The following CHD1L variants were observed in gnomAD, a reference collection of about 807,000 sequenced individuals.
The protein encoded by CHD1L is ATP-dependent chromatin remodeler CHD1L.
In CHD1L, 118 loss-of-function variants were observed where a neutral mutation model predicts 115.9. The ratio of observed to expected loss-of-function variants is 1.02; its 90% CI spans 0.88 to 1.19. The LOEUF (loss-of-function observed/expected upper bound fraction) is 1.19. Among genes scored for constraint, CHD1L ranks in the 50% most tolerant of loss-of-function variants. The probability of loss-of-function intolerance (pLI) is 0.00; values close to 1 mark genes in which losing one functional copy is unlikely to be tolerated. For synonymous variants in CHD1L, 411 were observed against 387.1 expected, an observed-to-expected ratio of 1.06 and a Z score of -0.72; for missense variants, 1,179 against 1,065.3, an observed-to-expected ratio of 1.11 and a Z score of -1.49.
At chr1:147,213,494 A>C in the CHD1L span, 1 of 1,572,936 alleles carries the variant, frequency 6.4e-7, no homozygotes, top group Admixed American at 1.8e-5. Flanking sequence ...TGATAACCAC[A>C]GGGGACATCC....
the CHD1L span, among the ~76,000 whole-genome samples, chr1:147,193,913 T>A: frequency 6.6e-6 from 1 of 152,034 alleles, no homozygotes; most frequent in Non-Finnish European, 1.5e-5. Context: ...TGCTGAGGAG[T>A]GCTTTACTTC....
chr1:147,195,975 C>CA, the CHD1L span, among the ~76,000 whole-genome samples: 1 of 152,110 alleles, frequency 6.6e-6, no homozygotes, highest in Non-Finnish European at 1.5e-5. Flanking sequence ...TGACTCTTTG[C>CA]ATTTGCACCA....
At chr1:147,262,819 C>G (rs1010602615) in intron 6 of CHD1L, among the ~76,000 whole-genome samples, 3 of 149,358 alleles carry the variant, frequency 2.0e-5, no homozygotes, top group African/African-American at 7.4e-5. Flanking sequence ...CTTCCTATGG[C>G]CCCCCCTCCA....
the CHD1L span, among the ~76,000 whole-genome samples, chr1:147,196,755 G>A: frequency 6.6e-6 from 1 of 151,892 alleles, no homozygotes; most frequent in Non-Finnish European, 1.5e-5. Context: ...TTTGCTCCCT[G>A]TCTTAGTTTC....
At chr1:147,243,426 A>G (rs1358671316) in intron 1 of CHD1L, among the ~76,000 whole-genome samples, 2 of 152,060 alleles carry the variant, frequency 1.3e-5, no homozygotes, top group Non-Finnish European at 2.9e-5. Flanking sequence ...TGAACCACGT[A>G]CTATATGCCA....
At chr1:147,206,502 T>G in the CHD1L span, among the ~76,000 whole-genome samples, 9 of 152,182 alleles carry the variant, frequency 5.9e-5, no homozygotes, top group African/African-American at 2.2e-4. Context: ...AGCAAGGACT[T>G]GGAACCAACC....
At chr1:147,203,602 C>T in the CHD1L span, 501 of 1,142,676 alleles carry the variant, frequency 4.4e-4, no homozygotes, top group Non-Finnish European at 6.0e-4. Flanking sequence ...TAGCTTCAAA[C>T]GCCTCAGCAA....
chr1:147,278,839 C>T (rs1679677804), intron 14 of CHD1L, among the ~76,000 whole-genome samples: 2 of 152,106 alleles, frequency 1.3e-5, no homozygotes. Flanking sequence ...TTTAGGATTC[C>T]AATCCAAGCA....
chr1:147,209,290 T>A, the CHD1L span, among the ~76,000 whole-genome samples: 1 of 151,842 alleles, frequency 6.6e-6, no homozygotes, highest in South Asian at 2.1e-4. Context: ...TACAAAAAAT[T>A]AGCCAGGCGT....
At chr1:147,197,001 T>G in the CHD1L span, among the ~76,000 whole-genome samples, 1 of 152,164 alleles carries the variant, frequency 6.6e-6, no homozygotes, top group Non-Finnish European at 1.5e-5. Context: ...CTAACATATC[T>G]TCTAAACTGG....
intron 6 of CHD1L, among the ~76,000 whole-genome samples, chr1:147,263,823 T>G (rs960346125): frequency 3.9e-5 from 6 of 152,292 alleles, no homozygotes; most frequent in Non-Finnish European, 8.8e-5. Flanking sequence ...TCTTGCATCT[T>G]GGTGTTCTTC....
At position 147,268,779 on chromosome 1, in the gene CHD1L, T is replaced by G; in HGVS notation, c.989-3T>G. 6.2e-7 allele frequency: 1 copy of G among 1,612,488 alleles called. No homozygotes were observed. The highest frequency in any genetic ancestry group is 2.2e-5 in the East Asian group (1 of 44,832). ...TACTGGGAGTGGGTTCTTTCTTTTC[T>G]AGGTGTGGAGCCGGAGCCTTTTGAA... On this transcript the variant is annotated splice_polypyrimidine_tract_variant and splice_region_variant and intron_variant, in intron 9 of 22. Transcript: ENST00000369258.
At chr1:147,181,039 T>C in the CHD1L span, among the ~76,000 whole-genome samples, 10 of 152,192 alleles carry the variant, frequency 6.6e-5, no homozygotes, top group Non-Finnish European at 1.3e-4. Flanking sequence ...AGAAAGGAGT[T>C]TGCTGACTCT....
intron 2 of CHD1L, among the ~76,000 whole-genome samples, chr1:147,253,318 C>G (rs1669007162): frequency 6.6e-6 from 1 of 152,162 alleles, no homozygotes; most frequent in African/African-American, 2.4e-5. Context: ...ATTGCATCCT[C>G]AGGGAAAGCT....
chr1:147,247,249 G>A (rs1490496408), intron 1 of CHD1L, among the ~76,000 whole-genome samples: 4 of 152,098 alleles, frequency 2.6e-5, no homozygotes, highest in African/African-American at 9.7e-5. Flanking sequence ...TTTGGATATG[G>A]ATTATCTGTC....
rs587748418 is a variant in CHD1L, at chr1:147,274,341, T to G, written c.1271-1013T>G. 2.0e-5 allele frequency among the ~76,000 whole-genome samples: 3 copies of G among 152,324 alleles called. No individual in the cohort carries two copies. In the South Asian group the frequency reaches 6.2e-4, roughly 32 times the overall value. Reference sequence around the variant, plus strand: ...CATTATCATTATTATTAGGTATAATTTAGCATCTCTCAGTAATCGGTCATG... The same window carrying G: ...CATTATCATTATTATTAGGTATAATGTAGCATCTCTCAGTAATCGGTCATG... On this transcript the variant is annotated intron_variant, in intron 12 of 22. Coordinates refer to ENST00000369258, the MANE Select transcript of CHD1L (RefSeq NM_004284.6).
upstream of CHD1L, chr1:147,242,573 G>A (rs1665026930): frequency 1.4e-5 from 13 of 959,052 alleles, no homozygotes; most frequent in Non-Finnish European, 1.8e-5. Flanking sequence ...CGGATATCTT[G>A]GCAGGACGCG....
the CHD1L span, among the ~76,000 whole-genome samples, chr1:147,181,085 TAAAC>T: frequency 1.3e-5 from 2 of 152,178 alleles, no homozygotes; most frequent in Non-Finnish European, 2.9e-5. Flanking sequence ...ACCTAAAAAA[TAAAC>T]AATTAAAATC....
rs1424210912 is a variant in CHD1L, at chr1:147,253,819, T to C, written c.241-1051T>C. On this transcript the variant is annotated intron_variant, in intron 2 of 22. Transcript: ENST00000369258. ...AGCCCATGGTTGAAATTATAGTGCG[T>C]ATATAGTTTGTATTTTGTTAATCTA... Among the ~76,000 whole-genome samples the C allele has an allele frequency of 2.6e-5, 4 of 152,206 alleles. No individual in the cohort carries two copies. In the East Asian group the frequency reaches 7.7e-4, roughly 29 times the overall value.
Sources: gnomAD v4.1 joint callset for allele counts (sites outside exome capture counted in the v4.1 genomes callset) on GRCh38, gnomAD v4.1.1 for gene constraint, MANE v1.5 for transcripts, NCBI Gene and HGNC (gene_info 2026-07-23, HGNC 2026-07-21) for gene names.